MNAT1: variants seen among roughly 807,000 people sequenced by gnomAD.
The protein encoded by MNAT1 is MNAT1 component of CDK activating kinase, also known as CDK-activating kinase assembly factor MAT1.
MNAT1 carries 43 observed loss-of-function variants against 42.0 expected under a neutral mutation model. That is an observed-to-expected ratio of 1.02 (90% CI 0.80 to 1.32). The LOEUF (loss-of-function observed/expected upper bound fraction) is 1.32. Ranked by LOEUF, MNAT1 falls within the 40% of genes most tolerant of loss-of-function variation. The pLI is 0.00. For missense variants in MNAT1, 306 were observed against 350.4 expected, an observed-to-expected ratio of 0.87 and a Z score of 1.01; for synonymous variants, 118 against 120.0, an observed-to-expected ratio of 0.98 and a Z score of 0.11.
At chr14:60,827,492 C>T (rs1168214379) in intron 6 of MNAT1, among the ~76,000 whole-genome samples, 1 of 152,010 alleles carries the variant, frequency 6.6e-6, no homozygotes, top group Admixed American at 6.6e-5. Flanking sequence ...AATACCCGTT[C>T]GTATCTGAAA....
At chr14:60,743,066 G>A (rs1896518376) in intron 1 of MNAT1, among the ~76,000 whole-genome samples, 1 of 152,172 alleles carries the variant, frequency 6.6e-6, no homozygotes, top group South Asian at 2.1e-4. Flanking sequence ...GTTTTCCAAT[G>A]TGGCTGTACC....
At position 60,809,441 on chromosome 14, in the gene MNAT1, A is replaced by G. The variant is rs1489821764; in HGVS notation, c.420+1013A>G. The stretch of plus-strand genomic sequence containing the variant: ...TTCTGAGAGCATCAGTATGTCATTA[A>G]TGTTACTCTCTTTGCCTAGTAACCT... On this transcript the variant is annotated intron_variant, in intron 4 of 7. Transcript: ENST00000261245. 3.3e-5 allele frequency among the ~76,000 whole-genome samples: 5 copies of G among 152,082 alleles called. No individual in the cohort carries two copies. In the South Asian group the frequency reaches 1.0e-3, roughly 31 times the overall value.
At chr14:60,767,809 G>T (rs1284213678) in intron 1 of MNAT1, among the ~76,000 whole-genome samples, 3 of 152,002 alleles carry the variant, frequency 2.0e-5, no homozygotes, top group Admixed American at 2.0e-4. Flanking sequence ...TCTGTCGCCA[G>T]GCTGGAGAGT....
intron 1 of MNAT1, among the ~76,000 whole-genome samples, chr14:60,754,882 G>A (rs958486788): frequency 4.6e-5 from 7 of 152,112 alleles, no homozygotes. Flanking sequence ...ATTCTATAAC[G>A]CATGAAGTAG....
At chr14:60,786,335 C>T (rs996088035) in intron 1 of MNAT1, among the ~76,000 whole-genome samples, 1 of 151,820 alleles carries the variant, frequency 6.6e-6, no homozygotes, top group African/African-American at 2.4e-5. Context: ...ATGAGAAAAT[C>T]TTAATGGCTT....
chr14:60,899,269 C>T (rs1459525232), intron 7 of MNAT1, among the ~76,000 whole-genome samples: 1 of 152,096 alleles, frequency 6.6e-6, no homozygotes, highest in African/African-American at 2.4e-5. Flanking sequence ...TCTGTACTAT[C>T]AATCAGCAAA....
intron 6 of MNAT1, among the ~76,000 whole-genome samples, chr14:60,843,020 G>A (rs1171252030): frequency 6.6e-6 from 1 of 152,188 alleles, no homozygotes; most frequent in African/African-American, 2.4e-5. Context: ...CAGGGAATGT[G>A]TGTATATCTG....
At chr14:60,966,950 G>C (rs1594919218) in intron 7 of MNAT1, among the ~76,000 whole-genome samples, 6 of 151,648 alleles carry the variant, frequency 4.0e-5, no homozygotes, top group Admixed American at 3.9e-4. Context: ...AAACATATCT[G>C]AGATATGTTT....
Position 60,808,401 on chromosome 14 carries a change from T to A in MNAT1, c.393T>A (p.Asp131Glu). 6.4e-7 allele frequency: 1 copy of A among 1,568,366 alleles called. No homozygotes were observed. The highest frequency in any genetic ancestry group is 1.2e-5 in the South Asian group (1 of 83,238). ...AGATATACCAAAAGGAAAACAAAGA[T>A]GTTATTCAGAAAAATAAATTAAAGC... Reference protein sequence around the residue: ...KMEIYQKENKDVIQKNKLKLT... With the variant: ...KMEIYQKENKEVIQKNKLKLT... The change falls in exon 4 of 8, where the codon GAT becomes GAA. Residue 131 changes from aspartate to glutamate, a missense_variant. Transcript: ENST00000261245.
At chr14:60,913,610 T>C (rs749067046) in intron 7 of MNAT1, among the ~76,000 whole-genome samples, 2 of 152,142 alleles carry the variant, frequency 1.3e-5, no homozygotes, top group Non-Finnish European at 2.9e-5. Flanking sequence ...CCGGTTTGCC[T>C]GGGTATCAGC....
chr14:60,917,784 G>A (rs957025529), intron 7 of MNAT1, among the ~76,000 whole-genome samples: 8 of 151,770 alleles, frequency 5.3e-5, no homozygotes, highest in African/African-American at 1.2e-4. Flanking sequence ...CACCACACCC[G>A]GCTAACTTTT....
chr14:60,942,290 A>C (rs1475453517), intron 7 of MNAT1, among the ~76,000 whole-genome samples: 3 of 152,180 alleles, frequency 2.0e-5, no homozygotes, highest in Non-Finnish European at 4.4e-5. Context: ...AGCACAGGAA[A>C]ACTTGTCATT....
At chr14:60,913,823 G>A (rs112090245) in intron 7 of MNAT1, among the ~76,000 whole-genome samples, 40 of 152,286 alleles carry the variant, frequency 2.6e-4, no homozygotes, top group African/African-American at 3.8e-4. Flanking sequence ...CTCCAGCTGC[G>A]TGCTGGAAGA....
At chr14:60,800,813 T>C (rs1267216297) in intron 3 of MNAT1, among the ~76,000 whole-genome samples, 1 of 152,158 alleles carries the variant, frequency 6.6e-6, no homozygotes, top group East Asian at 1.9e-4. Flanking sequence ...TTAAAGATAT[T>C]GATGATTTTT....
rs141915439 is a variant in MNAT1, at chr14:60,808,670, A to C, written c.420+242A>C. The C allele has an allele frequency of 3.8e-5, 9 of 235,114 alleles. No individual in the cohort carries two copies. In the East Asian group the frequency reaches 8.1e-4, roughly 21 times the overall value. The allele number at this position is 235,114 out of a possible 1,614,324, so 14.6% of individuals were successfully genotyped here. On this transcript the variant is annotated intron_variant, in intron 4 of 7. Coordinates refer to ENST00000261245, the MANE Select transcript of MNAT1 (RefSeq NM_002431.4). ...TTTCTTAAGGAAGTGGATCCGTAAGATAGGTGATTGTTAACGCTAGTTTTA... is the reference window on the plus strand; with the variant it reads ...TTTCTTAAGGAAGTGGATCCGTAAGCTAGGTGATTGTTAACGCTAGTTTTA...
At chr14:60,788,720 A>T (rs773731502) in intron 1 of MNAT1, among the ~76,000 whole-genome samples, 13 of 152,172 alleles carry the variant, frequency 8.5e-5, no homozygotes, top group Admixed American at 1.3e-4. Context: ...CTTTCCTTGA[A>T]TTTCATGAAC....
At chr14:60,915,307 C>G (rs551958653) in intron 7 of MNAT1, among the ~76,000 whole-genome samples, 2 of 152,298 alleles carry the variant, frequency 1.3e-5, no homozygotes, top group African/African-American at 4.8e-5. Context: ...ACCCTTATTT[C>G]ACTTGCCCTA....
At chr14:60,844,211 C>CT (rs2033624232) in intron 6 of MNAT1, among the ~76,000 whole-genome samples, 1 of 151,922 alleles carries the variant, frequency 6.6e-6, no homozygotes, top group Non-Finnish European at 1.5e-5. Context: ...TTCAAGATTG[C>CT]TTTTTGCATA....
intron 6 of MNAT1, among the ~76,000 whole-genome samples, chr14:60,847,222 G>A (rs558304068): frequency 5.3e-4 from 80 of 152,022 alleles, no homozygotes; most frequent in African/African-American, 1.9e-3. Context: ...GGCTAACACG[G>A]TGAAACCCCG....
Sources: allele counts gnomAD v4.1 joint callset (sites outside exome capture counted in the v4.1 genomes callset), GRCh38; gene constraint gnomAD v4.1.1; transcripts MANE v1.5; gene names NCBI Gene and HGNC (gene_info 2026-07-23, HGNC 2026-07-21).